GRID2: variants seen among roughly 807,000 people sequenced by gnomAD.
The protein encoded by GRID2 is glutamate ionotropic receptor delta type subunit 2.
A neutral mutation model predicts 114.8 loss-of-function variants in GRID2; 33 were observed. That is an observed-to-expected ratio of 0.29 (90% confidence interval 0.22 to 0.38). The LOEUF (loss-of-function observed/expected upper bound fraction) is 0.38, where lower values mean the gene tolerates loss of function less well. Ranked by LOEUF, GRID2 falls within the 10% of genes least tolerant of loss-of-function variation. The pLI is 1.00. For synonymous variants in GRID2, 505 were observed against 449.9 expected (o/e 1.12, Z -1.55); for missense variants, 1,184 against 1,257.7 (o/e 0.94, Z 0.89).
At chr4:93,472,084 G>T (rs1046520953) in intron 11 of GRID2, among the ~76,000 whole-genome samples, 3 of 151,560 alleles carry the variant, frequency 2.0e-5, no homozygotes, top group Non-Finnish European at 4.4e-5. Context: ...CAGCACTTTG[G>T]GAGACTGAGG....
intron 4 of GRID2, among the ~76,000 whole-genome samples, chr4:93,184,000 T>C (rs1373563695): frequency 3.9e-5 from 6 of 152,296 alleles, no homozygotes; most frequent in Non-Finnish European, 7.4e-5. Flanking sequence ...TGATGCACAT[T>C]ATTTGCTGTA....
intron 13 of GRID2, among the ~76,000 whole-genome samples, chr4:93,555,572 G>C (rs1578251746): frequency 6.6e-6 from 1 of 152,246 alleles, no homozygotes; most frequent in South Asian, 2.1e-4. Flanking sequence ...CCTCCTCTTG[G>C]GCAGGGCATC....
chr4:93,214,413 T>G (rs984706243), intron 5 of GRID2, among the ~76,000 whole-genome samples: 4 of 152,060 alleles, frequency 2.6e-5, no homozygotes, highest in Non-Finnish European at 5.9e-5. Flanking sequence ...ACTCTCGAAA[T>G]GCCCCTTTTG....
chr4:93,082,785 G>C (rs1406999596), intron 2 of GRID2, among the ~76,000 whole-genome samples: 1 of 152,142 alleles, frequency 6.6e-6, no homozygotes, highest in East Asian at 1.9e-4. Context: ...CAAAAACAAA[G>C]TTTTTGTATA....
intron 2 of GRID2, among the ~76,000 whole-genome samples, chr4:92,773,729 A>G (rs1240664478): frequency 6.6e-6 from 1 of 152,110 alleles, no homozygotes; most frequent in African/African-American, 2.4e-5. Flanking sequence ...TCTATTTTAA[A>G]GAGGCCACAG....
chr4:92,467,280 T>C (rs970029086), intron 1 of GRID2, among the ~76,000 whole-genome samples: 10 of 151,964 alleles, frequency 6.6e-5, no homozygotes, highest in Admixed American at 5.3e-4. Context: ...TATGTAGAAG[T>C]GTATATGTGT....
At chr4:92,467,131 A>C (rs555570926) in intron 1 of GRID2, among the ~76,000 whole-genome samples, 2 of 151,908 alleles carry the variant, frequency 1.3e-5, no homozygotes, top group African/African-American at 4.8e-5. Flanking sequence ...CGAATGTTAA[A>C]AATGTTTTAG....
chr4:92,964,212 G>C (rs915186200), intron 2 of GRID2, among the ~76,000 whole-genome samples: 1 of 152,032 alleles, frequency 6.6e-6, no homozygotes, highest in Non-Finnish European at 1.5e-5. Flanking sequence ...CCCCTAACAA[G>C]AGAGTCAGTC....
In GRID2 at chr4:93,656,787, G is replaced by A. The variant is rs769333981; in HGVS notation, c.2360+30352G>A. 9.6e-5 allele frequency among the ~76,000 whole-genome samples: 10 copies of A among 104,276 alleles called. 1 individual carries two copies. Among genetic ancestry groups the A allele is most frequent in the African/African-American group, 2.1e-4 (6 of 28,928 alleles). The allele number at this position is 104,276 out of a possible 152,430, so 68.4% of individuals were successfully genotyped here. On this transcript the variant is annotated intron_variant, in intron 14 of 15. Transcript: ENST00000282020. ...AGAGCTTGCCGTGAGCCGAGATTGC[G>A]CCACTGCACTTCAGCCTGGGTGACA...
At chr4:93,021,842 T>A (rs958882732) in intron 2 of GRID2, among the ~76,000 whole-genome samples, 14 of 147,236 alleles carry the variant, frequency 9.5e-5, no homozygotes, top group South Asian at 4.2e-4. Context: ...ATATTATTTT[T>A]AAATAATAAA....
At chr4:92,583,419 C>T (rs72882149) in intron 1 of GRID2, among the ~76,000 whole-genome samples, 18 of 151,986 alleles carry the variant, frequency 1.2e-4, no homozygotes, top group African/African-American at 4.1e-4. Flanking sequence ...TTTTGGTTTC[C>T]TTCTTTAGTC....
At chr4:93,070,775 T>G (rs1728738697) in intron 2 of GRID2, among the ~76,000 whole-genome samples, 1 of 152,086 alleles carries the variant, frequency 6.6e-6, no homozygotes, top group Non-Finnish European at 1.5e-5. Flanking sequence ...CAAGATCATT[T>G]TAGTCAAATA....
intron 2 of GRID2, among the ~76,000 whole-genome samples, chr4:92,933,994 A>G (rs562931998): frequency 2.0e-5 from 3 of 151,858 alleles, no homozygotes; most frequent in South Asian, 2.1e-4. Context: ...AACACTCTAT[A>G]AAAGATTGCA....
chr4:92,868,016 TTTTCTTTCTTTCTTTCTTTCTTTCTTTC>T (rs57222462), intron 2 of GRID2, among the ~76,000 whole-genome samples: 3 of 132,768 alleles, frequency 2.3e-5, no homozygotes, highest in African/African-American at 8.5e-5. Context: ...TACTGAAAGG[TTTTCTTTCTTTCTTTCTTTCTTTCTTTC>T]TTTCTTTCTT....
chr4:92,694,362 G>A (rs1311685122), intron 2 of GRID2, among the ~76,000 whole-genome samples: 1 of 152,154 alleles, frequency 6.6e-6, no homozygotes, highest in Non-Finnish European at 1.5e-5. Flanking sequence ...GAAGATGGGA[G>A]AAAGCCACCT....
Position 93,524,819 on chromosome 4 carries a change from G to GTATATA in GRID2, c.2193+9411_2193+9412insATATAT, listed in dbSNP as rs1307000620. Reference sequence around the variant, plus strand: ...TATATATATATATATATATATGTATGTATGTATATATATATATATATATAT... The same window carrying GTATATA: ...TATATATATATATATATATATGTATGTATATATATGTATATATATATATATATATAT... On this transcript the variant is annotated intron_variant, in intron 13 of 15. Coordinates refer to ENST00000282020, the MANE Select transcript of GRID2 (RefSeq NM_001510.4). 3.7e-3 allele frequency among the ~76,000 whole-genome samples: 195 copies of GTATATA among 52,106 alleles called. 3 individuals carry two copies. The highest frequency in any genetic ancestry group is 4.6e-3 in the Non-Finnish European group (150 of 32,494). The allele number at this position is 52,106 out of a possible 152,430, so 34.2% of individuals were successfully genotyped here.
chr4:92,977,426 A>T (rs965895112), intron 2 of GRID2, among the ~76,000 whole-genome samples: 1 of 152,218 alleles, frequency 6.6e-6, no homozygotes, highest in Non-Finnish European at 1.5e-5. Context: ...AGAAATTAAT[A>T]TAACTGGCAT....
chr4:92,590,423 C>G (rs1728655317), intron 2 of GRID2, 137 bp downstream of exon 2: 2 of 611,852 alleles, frequency 3.3e-6, no homozygotes, highest in Non-Finnish European at 5.7e-6. Context: ...TTGGAGATCA[C>G]TGTTTTGTAG....
At chr4:93,749,072 G>A (rs1393663208) in intron 14 of GRID2, among the ~76,000 whole-genome samples, 1 of 151,990 alleles carries the variant, frequency 6.6e-6, no homozygotes, top group African/African-American at 2.4e-5. Flanking sequence ...AAGTGGGTGG[G>A]GGTGGGGATC....
Sources: gnomAD v4.1 joint callset for allele counts (sites outside exome capture counted in the v4.1 genomes callset) on GRCh38, gnomAD v4.1.1 for gene constraint, MANE v1.5 for transcripts, NCBI Gene and HGNC (gene_info 2026-07-23, HGNC 2026-07-21) for gene names.